SLC25A24: variants seen among roughly 807,000 people sequenced by gnomAD.
SLC25A24 encodes the protein solute carrier family 25 member 24, also known as mitochondrial adenyl nucleotide antiporter SLC25A24.
Under a neutral mutation model 60.7 loss-of-function variants are expected in SLC25A24, and 49 were observed. The observed-to-expected ratio is 0.81, with a 90% confidence interval of 0.64 to 1.02. The LOEUF (loss-of-function observed/expected upper bound fraction) is 1.02, where lower values mean the gene tolerates loss of function less well. Ranked by LOEUF, SLC25A24 falls within the 50% of genes least tolerant of loss-of-function variation. SLC25A24 has a pLI of 0.00. For synonymous variants in SLC25A24, 202 were observed against 200.6 expected, an observed-to-expected ratio of 1.01 and a Z score of -0.06; for missense variants, 564 against 586.3, an observed-to-expected ratio of 0.96 and a Z score of 0.39.
In SLC25A24 at chr1:108,136,604, A is replaced by C; in HGVS notation, c.*49T>G. 6.6e-7 allele frequency: 1 copy of C among 1,508,192 alleles called. No individual in the cohort carries two copies. The highest frequency in any genetic ancestry group is 9.2e-7 in the Non-Finnish European group (1 of 1,090,316). 93.4% of individuals were successfully genotyped at this position (1,508,192 alleles called of 1,614,324 possible). The stretch of plus-strand genomic sequence containing the variant: ...CAATTCGAGGAGAAAAAGTCACTCC[A>C]GAGATTGTTGAAAGTTTCAATTATC... On this transcript the variant is annotated 3_prime_UTR_variant, in exon 10 of 10. Coordinates refer to ENST00000565488, the MANE Select transcript of SLC25A24 (RefSeq NM_013386.5).
At chr1:108,140,357 T>C (rs1679411183) in intron 8 of SLC25A24, among the ~76,000 whole-genome samples, 1 of 152,006 alleles carries the variant, frequency 6.6e-6, no homozygotes, top group Admixed American at 6.5e-5. Flanking sequence ...CAAAAGCTGA[T>C]ACAGCTTATC....
intron 3 of SLC25A24, among the ~76,000 whole-genome samples, chr1:108,170,656 G>A (rs937889610): frequency 1.3e-5 from 2 of 151,764 alleles, no homozygotes; most frequent in African/African-American, 4.8e-5. Flanking sequence ...AAAATGTAGT[G>A]ACACTCTATT....
At position 108,200,033 on chromosome 1, in the gene SLC25A24, C is replaced by T. The variant is rs1192405675; in HGVS notation, c.106G>A (p.Asp36Asn). The T allele has an allele frequency of 6.2e-7, 1 of 1,610,384 alleles. No individual in the cohort carries two copies. Among genetic ancestry groups the T allele is most frequent in the African/African-American group, 1.3e-5 (1 of 74,898 alleles). The change falls in exon 1 of 10, where the codon GAC becomes AAC. Residue 36 changes from aspartate to asparagine, a missense_variant. Physicochemically the swap from Asp to Asn is conservative, Grantham distance 23. Transcript: ENST00000565488. ...AGCTCGCCGATGTCCACCACTCCGT[C>T]CCCATTGCGGTCCAGTGCCTGGAAG... is the stretch of plus-strand genomic sequence containing the variant. ...TLFQALDRNG[D>N]GVVDIGELQE...
intron 3 of SLC25A24, among the ~76,000 whole-genome samples, chr1:108,180,616 ATC>A (rs3043349): frequency 0.072 from 4,419 of 61,206 alleles, 98 homozygotes; most frequent in Admixed American, 0.16. Context: ...CAAGAGAAAG[ATC>A]TCTCTCTCTC....
intron 5 of SLC25A24, among the ~76,000 whole-genome samples, chr1:108,156,845 G>T (rs570844556): frequency 3.9e-4 from 60 of 152,180 alleles, no homozygotes; most frequent in Non-Finnish European, 6.5e-4. Flanking sequence ...CCTCTCATTT[G>T]TTGTAAAGGA....
intron 3 of SLC25A24, among the ~76,000 whole-genome samples, chr1:108,170,196 C>T (rs1463059013): frequency 1.3e-5 from 2 of 152,046 alleles, no homozygotes; most frequent in Admixed American, 1.3e-4. Context: ...TCAACGTGTC[C>T]TTGAATTTCC....
chr1:108,184,363 G>C (rs1208027920), intron 2 of SLC25A24, among the ~76,000 whole-genome samples: 4 of 152,208 alleles, frequency 2.6e-5, no homozygotes, highest in Non-Finnish European at 5.9e-5. Context: ...AAAGTTTGCA[G>C]AGAAGAAAGA....
Position 108,136,523 on chromosome 1 carries a change from G to T in SLC25A24, c.*130C>A. 1.4e-6 allele frequency: 1 copy of T among 704,968 alleles called. No homozygotes were observed. Among genetic ancestry groups the T allele is most frequent in the Non-Finnish European group, 2.4e-6 (1 of 422,228 alleles). The allele number at this position is 704,968 out of a possible 1,614,324, so 43.7% of individuals were successfully genotyped here. ...AGCCCAAAAGTTTGAAGTGACCATT[G>T]TTACCATCTTCCCTTTTGTGAAAAA... On this transcript the variant is annotated 3_prime_UTR_variant, in exon 10 of 10. Transcript: ENST00000565488.
At chr1:108,166,434 TCAGA>T (rs1335971560) in intron 3 of SLC25A24, among the ~76,000 whole-genome samples, 47 of 152,342 alleles carry the variant, frequency 3.1e-4, no homozygotes, top group African/African-American at 1.0e-3. Flanking sequence ...GGTACACCAA[TCAGA>T]CATAGATTTG....
intron 1 of SLC25A24, among the ~76,000 whole-genome samples, chr1:108,193,103 G>A (rs1380353638): frequency 7.1e-6 from 1 of 139,876 alleles, no homozygotes; most frequent in Non-Finnish European, 1.6e-5. Flanking sequence ...GTGGCGGCCT[G>A]CCAACATTTA....
intron 2 of SLC25A24, 120 bp from the exon 3 acceptor site, chr1:108,182,148 A>T (rs1647952341): frequency 1.6e-6 from 1 of 630,212 alleles, no homozygotes; most frequent in Non-Finnish European, 2.8e-6. Flanking sequence ...AAAATTGTGC[A>T]TGTAGGTGAG....
At chr1:108,139,498 T>C (rs1328331122) in intron 8 of SLC25A24, among the ~76,000 whole-genome samples, 2 of 152,196 alleles carry the variant, frequency 1.3e-5, no homozygotes, top group African/African-American at 4.8e-5. Context: ...TGAGTATTAA[T>C]AAAATAATAT....
rs371572178 is a variant in SLC25A24 at position 108,151,801 on chromosome 1, C to G, written c.822+3182G>C. On this transcript the variant is annotated intron_variant, in intron 6 of 9. Transcript: ENST00000565488. The stretch of plus-strand genomic sequence containing the variant: ...CATGTCCCACACATCTCAAACTCAG[C>G]ATGCACAAAATGGAACCTGATATTG... 1.4e-4 allele frequency among the ~76,000 whole-genome samples: 21 copies of G among 152,336 alleles called. No individual in the cohort carries two copies. The South Asian group carries it at 2.1e-3, about 15-fold the overall frequency.
Position 108,136,431 on chromosome 1 carries a change from T to C in SLC25A24, c.*222A>G, listed in dbSNP as rs141713467. The C allele has an allele frequency of 1.2e-4, 58 of 466,258 alleles. No homozygotes were observed. In the Admixed American group the frequency reaches 2.2e-3, roughly 18 times the overall value. 28.9% of individuals were successfully genotyped at this position (466,258 alleles called of 1,614,324 possible). A position where few individuals can be genotyped will look rare whatever the true frequency, so the allele number is the denominator to read the frequency against. On this transcript the variant is annotated 3_prime_UTR_variant, in exon 10 of 10. Transcript: ENST00000565488. ...AGGATTATTAAGAAAAGATAAAGTA[T>C]AATTGTGTGGCCTTTTCAAAACACA... is the stretch of plus-strand genomic sequence containing the variant.
chr1:108,157,652 CTTAG>C (rs1236046533), intron 4 of SLC25A24, 32 bp from the exon 5 acceptor site: 5 of 1,595,646 alleles, frequency 3.1e-6, no homozygotes, highest in Non-Finnish European at 4.3e-6. Flanking sequence ...CCCCATGCGC[CTTAG>C]TTAAAAATAA....
intron 3 of SLC25A24, among the ~76,000 whole-genome samples, chr1:108,174,538 C>A (rs1647601336): frequency 6.6e-6 from 1 of 152,204 alleles, no homozygotes; most frequent in African/African-American, 2.4e-5. Flanking sequence ...GGGGTTGGAG[C>A]CTTCACACAG....
At chr1:108,185,576 C>T (rs2101640903) in intron 2 of SLC25A24, among the ~76,000 whole-genome samples, 1 of 152,030 alleles carries the variant, frequency 6.6e-6, no homozygotes, top group Admixed American at 6.5e-5. Flanking sequence ...TACAACAGGC[C>T]CTGCCCACAG....
At chr1:108,161,520 C>A (rs1680084096) in intron 3 of SLC25A24, among the ~76,000 whole-genome samples, 1 of 152,146 alleles carries the variant, frequency 6.6e-6, no homozygotes, top group Non-Finnish European at 1.5e-5. Flanking sequence ...TTACAGCCAG[C>A]TCACTAAAGA....
At position 108,134,513 on chromosome 1, in the gene SLC25A24, T is replaced by C. The variant is rs1679227172; in HGVS notation, c.*2140A>G. ...CAATCCTGAGGCTCTGGGTCCCCCT[T>C]GGTACTGTGAACCCCAGGGCTGTAA... On this transcript the variant is annotated 3_prime_UTR_variant, in exon 10 of 10. Transcript: ENST00000565488. 2.0e-5 allele frequency: 3 copies of C among 152,166 alleles called. No individual in the cohort carries two copies. Among genetic ancestry groups the C allele is most frequent in the Admixed American group, 2.0e-4 (3 of 15,272 alleles). 9.4% of individuals were successfully genotyped at this position (152,166 alleles called of 1,614,324 possible). A position where few individuals can be genotyped will look rare whatever the true frequency, so the allele number is the denominator to read the frequency against.
Sources: gnomAD v4.1 joint callset for allele counts (sites outside exome capture counted in the v4.1 genomes callset) on GRCh38, gnomAD v4.1.1 for gene constraint, MANE v1.5 for transcripts, NCBI Gene and HGNC (gene_info 2026-07-23, HGNC 2026-07-21) for gene names.